The following ALDH1A3 variants were observed in gnomAD, a reference collection of about 807,000 sequenced individuals.
ALDH1A3 encodes the protein aldehyde dehydrogenase 1 family member A3.
ALDH1A3 carries 28 observed loss-of-function variants against 57.5 expected under a neutral mutation model. The observed-to-expected ratio is 0.49, with a 90% CI of 0.36 to 0.67. The LOEUF (loss-of-function observed/expected upper bound fraction) is 0.67. Among genes scored for constraint, ALDH1A3 ranks in the 30% least tolerant of loss-of-function variants. The pLI is 0.00. For missense variants in ALDH1A3, 507 were observed against 669.4 expected, an observed-to-expected ratio of 0.76 and a Z score of 2.68; for synonymous variants, 281 against 264.8, an observed-to-expected ratio of 1.06 and a Z score of -0.59.
intron 8 of ALDH1A3, among the ~76,000 whole-genome samples, chr15:100,900,074 A>G (rs2041751364): frequency 6.6e-6 from 1 of 152,226 alleles, no homozygotes; most frequent in African/African-American, 2.4e-5. Context: ...TTTTAGTTCA[A>G]TGTCAGCTCT....
At chr15:100,880,221 C>T in intron 1 of ALDH1A3, 3 of 397,868 alleles carry the variant, frequency 7.5e-6, no homozygotes, top group East Asian at 3.6e-5. Context: ...CTGTGAGCCT[C>T]GAAGCCGGGA....
intron 12 of ALDH1A3, chr15:100,913,934 C>A (rs577263850): frequency 6.6e-6 from 1 of 152,202 alleles, no homozygotes; most frequent in Admixed American, 6.5e-5. Context: ...GCAGATCAAG[C>A]GCTTAGAAGG....
intron 11 of ALDH1A3, 127 bp from the exon 12 acceptor site, chr15:100,908,281 A>G: frequency 2.7e-6 from 2 of 748,408 alleles, no homozygotes; most frequent in East Asian, 2.7e-5. Context: ...CTGTGTTTTC[A>G]TCAAGGAAGC....
rs2141556621 is a variant in ALDH1A3, at chr15:100,894,235, C to T, written c.666+153C>T. The T allele has an allele frequency of 2.2e-6, 2 of 917,210 alleles. No homozygotes were observed. The highest frequency in any genetic ancestry group is 3.3e-5 in the South Asian group (2 of 59,908). 56.8% of individuals were successfully genotyped at this position (917,210 alleles called of 1,614,324 possible). A position where few individuals can be genotyped will look rare whatever the true frequency, so the allele number is the denominator to read the frequency against. On this transcript the variant is annotated intron_variant, in intron 6 of 12. Coordinates refer to ENST00000329841, the MANE Select transcript of ALDH1A3 (RefSeq NM_000693.4). This position sits in a 1 kb window ranked among gnomAD's most constrained non-coding sequence, Gnocchi z 4.5. ...GTGTTTTGTTTGGCGACTGCACGTT[C>T]TTTCTCCTGCTTGTGGCCACTGAGC...
chr15:100,913,365 G>T (rs898009294), intron 12 of ALDH1A3: 2 of 152,178 alleles, frequency 1.3e-5, no homozygotes, highest in African/African-American at 4.8e-5. Flanking sequence ...CCTTTTTGGA[G>T]GTTCTCAGGA....
Position 100,908,402 on chromosome 15 carries a change from T to C in ALDH1A3, c.1392-6T>C. 6.2e-7 allele frequency: 1 copy of C among 1,613,390 alleles called. No individual in the cohort carries two copies. Among genetic ancestry groups the C allele is most frequent in the Non-Finnish European group, 8.5e-7 (1 of 1,179,318 alleles). ...TGACTCTGAGCTTTCTTCCATTCTTTTCTAGGATCAACTGCTACAACGCCC... is the reference window on the plus strand; with the variant it reads ...TGACTCTGAGCTTTCTTCCATTCTTCTCTAGGATCAACTGCTACAACGCCC... On this transcript the variant is annotated splice_region_variant and splice_polypyrimidine_tract_variant and intron_variant, in intron 11 of 12. Transcript: ENST00000329841.
At chr15:100,886,365 G>A (rs1334420419) in intron 2 of ALDH1A3, among the ~76,000 whole-genome samples, 1 of 152,206 alleles carries the variant, frequency 6.6e-6, no homozygotes, top group Admixed American at 6.5e-5. Context: ...CCGTACAGGT[G>A]CTAGGAGGAG....
rs2041670643 is a variant in ALDH1A3, at chr15:100,893,353, AG to A, written c.537+349del. Reference sequence around the variant, plus strand: ...ATTTTCCAAGGAGTGGGAATGGCCTAGGCAAAAGTGCAGAGGTGGCTGGGCT... The same window carrying A: ...ATTTTCCAAGGAGTGGGAATGGCCTAGCAAAAGTGCAGAGGTGGCTGGGCT... On this transcript the variant is annotated intron_variant, in intron 5 of 12. Transcript: ENST00000329841. The surrounding 1 kb of genome is among the most constrained non-coding windows in gnomAD (Gnocchi z 4.8). 1 of 211,858 alleles carries A rather than the reference AG, an allele frequency of 4.7e-6. No individual in the cohort carries two copies. Among genetic ancestry groups the A allele is most frequent in the East Asian group, 1.1e-4 (1 of 9,254 alleles). 13.1% of individuals were successfully genotyped at this position (211,858 alleles called of 1,614,324 possible). A position where few individuals can be genotyped will look rare whatever the true frequency, so the allele number is the denominator to read the frequency against.
chr15:100,903,467 A>G (rs758732992), intron 9 of ALDH1A3, among the ~76,000 whole-genome samples: 38 of 152,214 alleles, frequency 2.5e-4, no homozygotes, highest in Non-Finnish European at 4.4e-4. Flanking sequence ...ATTAGCATGC[A>G]GGTATGTGCA....
intron 4 of ALDH1A3, 66 bp downstream of exon 4, chr15:100,892,705 AG>A: frequency 6.5e-7 from 1 of 1,543,584 alleles, no homozygotes; most frequent in Non-Finnish European, 8.7e-7. Flanking sequence ...ATTAATCCAG[AG>A]CCCCCCCTGA....
intron 9 of ALDH1A3, among the ~76,000 whole-genome samples, chr15:100,901,847 A>G (rs2041772167): frequency 6.6e-6 from 1 of 152,110 alleles, no homozygotes; most frequent in African/African-American, 2.4e-5. Context: ...GGAAGGATGC[A>G]TTTCTGGCCA....
At chr15:100,880,042 GC>G in intron 1 of ALDH1A3, 36 bp downstream of exon 1, 1 of 1,401,480 alleles carries the variant, frequency 7.1e-7, no homozygotes, top group Non-Finnish European at 9.4e-7. Flanking sequence ...ACGGCCGCGG[GC>G]CCCTGCGCTG....
Position 100,915,752 on chromosome 15 carries a change from A to G in ALDH1A3, c.*979A>G, listed in dbSNP as rs1350810748. On this transcript the variant is annotated 3_prime_UTR_variant, in exon 13 of 13. Coordinates refer to ENST00000329841, the MANE Select transcript of ALDH1A3 (RefSeq NM_000693.4). ...AGATTAGTAAAGCGTACACAACTGGAAAGACTGCTGTAATAACACAGCCTT... is the reference window on the plus strand; with the variant it reads ...AGATTAGTAAAGCGTACACAACTGGGAAGACTGCTGTAATAACACAGCCTT... 6.6e-6 allele frequency: 1 copy of G among 152,262 alleles called. No individual in the cohort carries two copies. The highest frequency in any genetic ancestry group is 1.5e-5 in the Non-Finnish European group (1 of 68,048). The allele number at this position is 152,262 out of a possible 1,614,324, so 9.4% of individuals were successfully genotyped here.
At position 100,890,511 on chromosome 15, in the gene ALDH1A3, C is replaced by T. The variant is rs76605151; in HGVS notation, c.346-1999C>T. Among the ~76,000 whole-genome samples, 12 of 152,302 alleles carry T rather than the reference C, an allele frequency of 7.9e-5. No individual in the cohort carries two copies. The East Asian group carries it at 2.3e-3, about 29-fold the overall frequency. On this transcript the variant is annotated intron_variant, in intron 3 of 12. Coordinates refer to ENST00000329841, the MANE Select transcript of ALDH1A3 (RefSeq NM_000693.4). ...AAATTCATGTTGTCACTCCAGTAAG[C>T]AAACTTGCTGAAGTTGACAATAAAA...
Position 100,894,799 on chromosome 15 carries a change from C to T in ALDH1A3, c.666+717C>T, listed in dbSNP as rs2041683219. 1 of 152,238 alleles carries T rather than the reference C, an allele frequency of 6.6e-6. No individual in the cohort carries two copies. The highest frequency in any genetic ancestry group is 6.5e-5 in the Admixed American group (1 of 15,282). The allele number at this position is 152,238 out of a possible 1,614,324, so 9.4% of individuals were successfully genotyped here. On this transcript the variant is annotated intron_variant, in intron 6 of 12. Coordinates refer to ENST00000329841, the MANE Select transcript of ALDH1A3 (RefSeq NM_000693.4). This position sits in a 1 kb window ranked among gnomAD's most constrained non-coding sequence, Gnocchi z 4.5. ...GGTGATGAGCCAATTTTCCACTTTC[C>T]TTTGGTGATGTGGGGCATAATTAAG...
intron 12 of ALDH1A3, chr15:100,914,496 G>C (rs1196356236): frequency 7.9e-6 from 4 of 504,184 alleles, no homozygotes; most frequent in African/African-American, 7.6e-5. Context: ...AGAAGACCTT[G>C]ATATTTACAT....
rs749888185 is a variant in ALDH1A3, at chr15:100,887,758, C to G, written c.345+46C>G. On this transcript the variant is annotated intron_variant, in intron 3 of 12. Coordinates refer to ENST00000329841, the MANE Select transcript of ALDH1A3 (RefSeq NM_000693.4). The surrounding 1 kb of genome is among the most constrained non-coding windows in gnomAD (Gnocchi z 4.6). ...GCCGGTGGGGGATGAGCCAGCCTCA[C>G]TGAGGGTCCTGTCCACCATGGGGTA... 3 of 1,537,140 alleles carry G rather than the reference C, an allele frequency of 2.0e-6. No individual in the cohort carries two copies. The Admixed American group carries it at 5.7e-5, about 29-fold the overall frequency.
At position 100,887,577 on chromosome 15, in the gene ALDH1A3, C is replaced by T. The variant is rs533333193; in HGVS notation, c.210C>T (p.Asp70=). The part of the protein sequence containing the change: ...ICEVEEGDKP[D]VDKAVEAAQV... ...CTGTTGTTCTGGTCGCTCAGCCCGACGTGGACAAGGCTGTGGAGGCTGCAC... is the reference window on the plus strand; with the variant it reads ...CTGTTGTTCTGGTCGCTCAGCCCGATGTGGACAAGGCTGTGGAGGCTGCAC... The change falls in exon 3 of 13, where the codon GAC becomes GAT. Residue 70 remains aspartate (D), a synonymous_variant. Coordinates refer to ENST00000329841, the MANE Select transcript of ALDH1A3 (RefSeq NM_000693.4). This position sits in a 1 kb window ranked among gnomAD's most constrained non-coding sequence, Gnocchi z 4.6. 49 of 1,595,214 alleles carry T rather than the reference C, an allele frequency of 3.1e-5. No homozygotes were observed. The highest frequency in any genetic ancestry group is 1.7e-4 in the Middle Eastern group (1 of 6,004).
chr15:100,913,196 C>T (rs1018360689), intron 12 of ALDH1A3: 1 of 152,142 alleles, frequency 6.6e-6, no homozygotes, highest in Non-Finnish European at 1.5e-5. Context: ...TGGGCCCCAC[C>T]ATAGAGTTTC....
Sources: allele counts gnomAD v4.1 joint callset (sites outside exome capture counted in the v4.1 genomes callset), GRCh38; gene constraint gnomAD v4.1.1; non-coding constraint Gnocchi (gnomAD v3.1); transcripts MANE v1.5; gene names NCBI Gene and HGNC (gene_info 2026-07-23, HGNC 2026-07-21).